Variants in TENM2 observed in about 807,000 individuals in gnomAD.
The protein encoded by TENM2 is teneurin transmembrane protein 2, also known as teneurin-2.
A neutral mutation model predicts 245.2 loss-of-function variants in TENM2; 52 were observed. The ratio of observed to expected loss-of-function variants is 0.21; its 90% CI spans 0.17 to 0.27. The LOEUF (loss-of-function observed/expected upper bound fraction) is 0.27, where lower values mean the gene tolerates loss of function less well. TENM2 is among the 10% of genes least tolerant of loss of function. TENM2 has a pLI of 1.00. For missense variants in TENM2, 3,046 were observed against 3,666.8 expected (o/e 0.83, Z 4.37); for synonymous variants, 1,363 against 1,438.9 (o/e 0.95, Z 1.19).
At chr5:167,724,219 A>G (rs1026099290) in intron 2 of TENM2, among the ~76,000 whole-genome samples, 1 of 152,192 alleles carries the variant, frequency 6.6e-6, no homozygotes, top group Non-Finnish European at 1.5e-5. Flanking sequence ...CCTCAGTGTG[A>G]CTTGCCTTCC....
At chr5:167,753,243 A>T (rs556177066) in intron 2 of TENM2, among the ~76,000 whole-genome samples, 29 of 152,294 alleles carry the variant, frequency 1.9e-4, no homozygotes, top group African/African-American at 7.0e-4. Flanking sequence ...GTTGCTAAAA[A>T]CTTGGAAGGG....
chr5:167,187,360 C>T, the TENM2 span, among the ~76,000 whole-genome samples: 1 of 152,194 alleles, frequency 6.6e-6, no homozygotes. Flanking sequence ...TGATTAAGGG[C>T]ATTGGCCCAA....
chr5:167,072,739 A>C, the TENM2 span, among the ~76,000 whole-genome samples: 3 of 152,214 alleles, frequency 2.0e-5, no homozygotes, highest in Non-Finnish European at 4.4e-5. Context: ...CCCACATGCT[A>C]TTGACAATGG....
chr5:168,122,766 A>T (rs2152345963), intron 10 of TENM2, among the ~76,000 whole-genome samples: 1 of 152,206 alleles, frequency 6.6e-6, no homozygotes. Flanking sequence ...TTTTGAAATG[A>T]CTTCCATATA....
At chr5:168,204,552 A>G (rs1762202900) in exon 19 of TENM2, 1 of 1,614,008 alleles carries the variant, frequency 6.2e-7, no homozygotes, top group Non-Finnish European at 8.5e-7. Context: ...GGGAGCCTCT[A>G]TGTGGGTGAC....
At chr5:167,101,533 A>G in the TENM2 span, among the ~76,000 whole-genome samples, 38 of 151,938 alleles carry the variant, frequency 2.5e-4, no homozygotes. Context: ...GGTGGGGTCT[A>G]TCTCCCATCT....
the TENM2 span, among the ~76,000 whole-genome samples, chr5:167,240,080 T>A: frequency 1.3e-5 from 2 of 152,240 alleles, no homozygotes; most frequent in African/African-American, 4.8e-5. Flanking sequence ...AGCCTTTTTT[T>A]AAATAGCCTT....
the TENM2 span, among the ~76,000 whole-genome samples, chr5:167,009,059 C>T: frequency 2.0e-5 from 3 of 152,260 alleles, no homozygotes; most frequent in African/African-American, 7.2e-5. Context: ...CACCAGAAAA[C>T]GTGAGAGGAT....
At chr5:168,003,470 T>C (rs1784571810) in intron 5 of TENM2, among the ~76,000 whole-genome samples, 2 of 151,890 alleles carry the variant, frequency 1.3e-5, no homozygotes. Flanking sequence ...AATAGAGTAA[T>C]TAGAAGCATT....
At chr5:166,980,698 GA>G in the TENM2 span, among the ~76,000 whole-genome samples, 3 of 152,104 alleles carry the variant, frequency 2.0e-5, no homozygotes, top group Non-Finnish European at 4.4e-5. Context: ...CTAAGCCATG[GA>G]AAAATGAACT....
Position 167,896,031 on chromosome 5 carries a change from G to A in TENM2, c.712+19836G>A, listed in dbSNP as rs1054012477. 3.3e-5 allele frequency among the ~76,000 whole-genome samples: 5 copies of A among 152,234 alleles called. No homozygotes were observed. The East Asian group carries it at 9.6e-4, about 29-fold the overall frequency. ...TAGTTAATGGCAGCATGAGGTGGAT[G>A]AAGCTTTAAGAAGAACAAAAGCAAA... is the stretch of plus-strand genomic sequence containing the variant. On this transcript the variant is annotated intron_variant, in intron 3 of 28. Transcript: ENST00000518659.
the TENM2 span, among the ~76,000 whole-genome samples, chr5:167,058,757 G>T: frequency 6.6e-6 from 1 of 152,028 alleles, no homozygotes; most frequent in Non-Finnish European, 1.5e-5. Context: ...TCTCTTAAGA[G>T]GGGGGCGGGG....
Position 167,329,496 on chromosome 5 carries a change from G to A in TENM2, c.226+44433G>A, listed in dbSNP as rs536786343. 3.0e-5 allele frequency among the ~76,000 whole-genome samples: 4 copies of A among 135,384 alleles called. 1 individual carries two copies. The South Asian group carries it at 1.0e-3, about 34-fold the overall frequency. 88.8% of individuals were successfully genotyped at this position (135,384 alleles called of 152,430 possible). A position where few individuals can be genotyped will look rare whatever the true frequency, so the allele number is the denominator to read the frequency against. ...GAACCCAGGAGGTGGAACTTGCAGT[G>A]AGCCGCGATCATGCCACTGCAATCC... On this transcript the variant is annotated intron_variant, in intron 1 of 28. Coordinates refer to ENST00000518659, the Ensembl canonical transcript of TENM2.
At chr5:167,671,722 T>A (rs116808943) in intron 2 of TENM2, among the ~76,000 whole-genome samples, 7,874 of 150,706 alleles carry the variant, frequency 0.052, 808 homozygotes, top group East Asian at 0.4. Flanking sequence ...GTAAATAAAA[T>A]CTTTAGCTAC....
chr5:168,042,440 G>A (rs1036531070), intron 5 of TENM2, among the ~76,000 whole-genome samples: 7 of 152,098 alleles, frequency 4.6e-5, no homozygotes, highest in African/African-American at 1.4e-4. Context: ...TGACTCTCTT[G>A]TCAGGTTGAT....
intron 2 of TENM2, among the ~76,000 whole-genome samples, chr5:167,735,624 G>T (rs1307902960): frequency 6.6e-6 from 1 of 152,020 alleles, no homozygotes; most frequent in Non-Finnish European, 1.5e-5. Flanking sequence ...TGGGCAACAT[G>T]TCAAAACCCC....
chr5:167,262,922 G>A, the TENM2 span, among the ~76,000 whole-genome samples: 1 of 152,264 alleles, frequency 6.6e-6, no homozygotes, highest in Non-Finnish European at 1.5e-5. Context: ...GAGATTCAGT[G>A]TCTGGTGAGA....
chr5:167,556,917 A>G (rs1773295130), intron 2 of TENM2, among the ~76,000 whole-genome samples: 1 of 152,226 alleles, frequency 6.6e-6, no homozygotes, highest in Non-Finnish European at 1.5e-5. Flanking sequence ...ACAGCCCTGC[A>G]TGTTAGCACA....
rs982629968 is a variant in TENM2 at position 168,228,097 on chromosome 5, A to G, written c.5487A>G (p.Lys1829=). 5 of 1,613,664 alleles carry G rather than the reference A, an allele frequency of 3.1e-6. No homozygotes were observed. The African/African-American group carries it at 4.0e-5, about 13-fold the overall frequency. ...GGCGCCTAAGAAAGGAACAGATTAAAGGCAAAGTCACCATCTTTGGCAGGA... is the reference window on the plus strand; with the variant it reads ...GGCGCCTAAGAAAGGAACAGATTAAGGGCAAAGTCACCATCTTTGGCAGGA... The change falls in exon 25 of 29, where the codon AAA becomes AAG. Residue 1829 remains lysine, a synonymous_variant. Transcript: ENST00000518659.
Sources: gnomAD v4.1 joint callset for allele counts (sites outside exome capture counted in the v4.1 genomes callset) on GRCh38, gnomAD v4.1.1 for gene constraint, MANE v1.5 for transcripts, NCBI Gene and HGNC (gene_info 2026-07-23, HGNC 2026-07-21) for gene names.